The following ARHGEF38 variants were observed in gnomAD, a reference collection of about 807,000 sequenced individuals.
ARHGEF38 encodes Rho guanine nucleotide exchange factor 38, also known as Rho guanine nucleotide exchange factor (GEF) 38.
Under a neutral mutation model 79.9 loss-of-function variants are expected in ARHGEF38, and 79 were observed. That is an observed-to-expected ratio of 0.99 (90% CI 0.82 to 1.19). The LOEUF (loss-of-function observed/expected upper bound fraction) is 1.19. Among genes scored for constraint, ARHGEF38 ranks in the 50% most tolerant of loss-of-function variants. The pLI, the probability that ARHGEF38 is intolerant of heterozygous loss-of-function variation, is 0.00. For synonymous variants in ARHGEF38, 366 were observed against 328.3 expected (o/e 1.11, Z -1.24); for missense variants, 962 against 907.2 (o/e 1.06, Z -0.78).
chr4:105,656,198 G>A (rs541164716), intron 9 of ARHGEF38, among the ~76,000 whole-genome samples: 1 of 152,170 alleles, frequency 6.6e-6, no homozygotes, highest in African/African-American at 2.4e-5. Flanking sequence ...GGAACTAAAG[G>A]GGCACACCAC....
chr4:105,579,819 T>A (rs1187450121), intron 1 of ARHGEF38, among the ~76,000 whole-genome samples: 1 of 152,192 alleles, frequency 6.6e-6, no homozygotes, highest in African/African-American at 2.4e-5. Flanking sequence ...TCAGCTTTTA[T>A]TCGTACATGT....
chr4:105,565,045 G>C (rs977107329), intron 1 of ARHGEF38, among the ~76,000 whole-genome samples: 4 of 152,198 alleles, frequency 2.6e-5, no homozygotes, highest in Non-Finnish European at 2.9e-5. Context: ...CACTGTCGGA[G>C]CCTGTAAATT....
downstream of ARHGEF38, among the ~76,000 whole-genome samples, chr4:105,681,993 C>T (rs1731325577): frequency 6.6e-6 from 1 of 152,096 alleles, no homozygotes; most frequent in Admixed American, 6.6e-5. Flanking sequence ...CAAAACTTAT[C>T]AGGAATGTGC....
intron 1 of ARHGEF38, among the ~76,000 whole-genome samples, chr4:105,554,378 T>C (rs4699186): frequency 0.88 from 134,070 of 152,042 alleles, 59,488 homozygotes; most frequent in African/African-American, 0.92. Flanking sequence ...TCCAGTAGTC[T>C]CCAGTATCTA....
At chr4:105,611,114 A>G (rs916860172) in intron 2 of ARHGEF38, among the ~76,000 whole-genome samples, 2 of 152,132 alleles carry the variant, frequency 1.3e-5, no homozygotes, top group African/African-American at 4.8e-5. Flanking sequence ...ATCCTTTACA[A>G]AGAAGTTGGA....
At position 105,645,260 on chromosome 4, in the gene ARHGEF38, A is replaced by C; in HGVS notation, c.747A>C (p.Leu249=). 1 of 1,536,592 alleles carries C rather than the reference A, an allele frequency of 6.5e-7. No homozygotes were observed. The highest frequency in any genetic ancestry group is 8.7e-7 in the Non-Finnish European group (1 of 1,146,968). The change falls in exon 6 of 14, where the codon CTA becomes CTC. Residue 249 remains leucine, a synonymous_variant. Transcript: ENST00000420470. The stretch of plus-strand genomic sequence containing the variant: ...TTCAACGTGTGATGAAATACCCCCT[A>C]TTACTGTGCGAACTTCGGAATTCCA... The part of the protein sequence containing the change: ...KPIQRVMKYP[L]LLCELRNSTP...
intron 1 of ARHGEF38, among the ~76,000 whole-genome samples, chr4:105,571,498 A>G (rs992916998): frequency 3.4e-4 from 52 of 151,046 alleles, no homozygotes; most frequent in African/African-American, 1.2e-3. Context: ...AATTTTTTGT[A>G]TTTTTAGTAA....
At chr4:105,577,232 C>G (rs182182380) in intron 1 of ARHGEF38, among the ~76,000 whole-genome samples, 2,809 of 144,616 alleles carry the variant, frequency 0.019, 73 homozygotes, top group African/African-American at 0.056. Context: ...GGTATATCTC[C>G]TAATGCTATC....
intron 1 of ARHGEF38, among the ~76,000 whole-genome samples, chr4:105,571,018 G>C (rs1426547566): frequency 6.6e-6 from 1 of 152,136 alleles, no homozygotes; most frequent in African/African-American, 2.4e-5. Context: ...GGGGCTGGAG[G>C]GAGGAAGAAA....
chr4:105,593,076 TG>T (rs1727415093), intron 2 of ARHGEF38, among the ~76,000 whole-genome samples: 1 of 152,164 alleles, frequency 6.6e-6, no homozygotes, highest in East Asian at 1.9e-4. Context: ...CCAAAAAAAT[TG>T]TTTTCCTCGA....
At position 105,645,323 on chromosome 4, in the gene ARHGEF38, T is replaced by C. The variant is rs1729793330; in HGVS notation, c.810T>C (p.Asp270=). ...ACCCAGATTACAGAGCACTGGACGA[T>C]GCCTTTGCTGCTGTGAAGGACATTA... The part of the protein sequence containing the change: ...PSHPDYRALD[D]AFAAVKDINV... The change falls in exon 6 of 14, where the codon GAT becomes GAC. Residue 270 remains aspartate (D), a synonymous_variant. Coordinates refer to ENST00000420470, the MANE Select transcript of ARHGEF38 (RefSeq NM_001242729.2). The C allele has an allele frequency of 7.2e-6, 11 of 1,534,580 alleles. No individual in the cohort carries two copies. The East Asian group carries it at 1.7e-4, about 24-fold the overall frequency.
At chr4:105,553,168 C>A (rs1246184644) in intron 1 of ARHGEF38, among the ~76,000 whole-genome samples, 1 of 152,108 alleles carries the variant, frequency 6.6e-6, no homozygotes, top group Non-Finnish European at 1.5e-5. Context: ...AGAGTCAATT[C>A]CGAATTACTC....
intron 5 of ARHGEF38, 45 bp from the exon 6 acceptor site, chr4:105,645,143 T>G (rs1178255804): frequency 1.6e-6 from 2 of 1,233,752 alleles, no homozygotes; most frequent in Non-Finnish European, 2.1e-6. Flanking sequence ...AATGTGTTAA[T>G]AAAACATATG....
chr4:105,582,088 C>T lies in ARHGEF38; in HGVS notation c.197-7160C>T, dbSNP rs902408381. 2.1e-5 allele frequency among the ~76,000 whole-genome samples: 3 copies of T among 145,484 alleles called. No individual in the cohort carries two copies. The Admixed American group carries it at 2.2e-4, about 11-fold the overall frequency. ...GCTGAGGCAGGAGAATCACTTGAAC[C>T]AAGGAGGTGGAGGTTACAGTGAGCC... On this transcript the variant is annotated intron_variant, in intron 1 of 13. Transcript: ENST00000420470.
chr4:105,666,768 G>A (rs1730766555), intron 11 of ARHGEF38, among the ~76,000 whole-genome samples: 2 of 152,164 alleles, frequency 1.3e-5, no homozygotes, highest in Admixed American at 1.3e-4. Context: ...CCCAGATAAA[G>A]ACATGTACAT....
chr4:105,657,592 GAT>G (rs148598283), intron 9 of ARHGEF38, among the ~76,000 whole-genome samples: 26 of 148,492 alleles, frequency 1.8e-4, no homozygotes, highest in Middle Eastern at 3.5e-3. Context: ...TGAGTCACTG[GAT>G]ATATATATAT....
intron 4 of ARHGEF38, chr4:105,631,511 G>T (rs534814427): frequency 2.0e-6 from 2 of 985,486 alleles, no homozygotes; most frequent in Non-Finnish European, 2.4e-6. Context: ...GTCAGGCCTT[G>T]TTAAAGTTAG....
intron 7 of ARHGEF38, 113 bp downstream of exon 7, chr4:105,648,795 T>C (rs1395315704): frequency 3.8e-6 from 4 of 1,058,754 alleles, no homozygotes; most frequent in Non-Finnish European, 5.2e-6. Context: ...TCAAGGTAAT[T>C]GCCCTATGCT....
intron 1 of ARHGEF38, among the ~76,000 whole-genome samples, chr4:105,578,217 T>G (rs570535853): frequency 1.1e-4 from 17 of 152,270 alleles, no homozygotes; most frequent in African/African-American, 4.1e-4. Context: ...TTAATTTCCA[T>G]GTGTTTGTAT....
Sources: gnomAD v4.1 joint callset for allele counts (sites outside exome capture counted in the v4.1 genomes callset) on GRCh38, gnomAD v4.1.1 for gene constraint, MANE v1.5 for transcripts, NCBI Gene and HGNC (gene_info 2026-07-23, HGNC 2026-07-21) for gene names.